Variants in SORL1 observed in about 807,000 individuals in gnomAD.
The protein encoded by SORL1 is sortilin-related receptor.
Under a neutral mutation model 273.7 loss-of-function variants are expected in SORL1, and 127 were observed. The ratio of observed to expected loss-of-function variants is 0.46; its 90% confidence interval spans 0.40 to 0.54. The LOEUF is 0.54. Ranked by LOEUF, SORL1 falls within the 20% of genes least tolerant of loss-of-function variation. SORL1 has a pLI of 0.00. For missense variants in SORL1, 2,494 were observed against 2,846.1 expected (o/e 0.88, Z 2.81); for synonymous variants, 1,031 against 1,067.4 (o/e 0.97, Z 0.66).
chr11:121,553,632 G>C (rs758552127), intron 16 of SORL1, among the ~76,000 whole-genome samples: 2 of 152,214 alleles, frequency 1.3e-5, no homozygotes, highest in Non-Finnish European at 2.9e-5. Context: ...AAGACTGGCA[G>C]GCTTAGCCCA....
chr11:121,547,458 G>T (rs11218328), intron 14 of SORL1, among the ~76,000 whole-genome samples: 34 of 68,846 alleles, frequency 4.9e-4, no homozygotes, highest in Non-Finnish European at 2.9e-4. Flanking sequence ...ACACACACAA[G>T]AAAAGAAATG....
chr11:121,559,182 T>C (rs1043178597), intron 20 of SORL1, among the ~76,000 whole-genome samples: 2 of 152,232 alleles, frequency 1.3e-5, no homozygotes, highest in Admixed American at 6.5e-5. Context: ...CGGTGAGCTC[T>C]GCACCACCTA....
Position 121,559,650 on chromosome 11 carries a change from G to A in SORL1, c.3042G>A (p.Lys1014=), listed in dbSNP as rs1368706152. ...LMDMKIFYKG[K]NTGSNACVPR... ...ACATGAAGATTTTCTACAAGGGGAAGAACACTGGTAAGCCAGAGTCTCTTC... is the reference window on the plus strand; with the variant it reads ...ACATGAAGATTTTCTACAAGGGGAAAAACACTGGTAAGCCAGAGTCTCTTC... Residue 1014 remains lysine, a synonymous_variant, in exon 21 of 48, where the codon AAG becomes AAA. Transcript: ENST00000260197. 6.2e-7 allele frequency: 1 copy of A among 1,614,082 alleles called. No homozygotes were observed. Among genetic ancestry groups the A allele is most frequent in the East Asian group, 2.2e-5 (1 of 44,882 alleles).
chr11:121,517,519 T>C (rs1018739458), intron 8 of SORL1, among the ~76,000 whole-genome samples: 1 of 152,244 alleles, frequency 6.6e-6, no homozygotes, highest in African/African-American at 2.4e-5. Context: ...TTTTTCTTTT[T>C]TCACCATTGA....
chr11:121,625,805 G>T (rs1863787870), intron 46 of SORL1, among the ~76,000 whole-genome samples: 1 of 152,188 alleles, frequency 6.6e-6, no homozygotes, highest in African/African-American at 2.4e-5. Context: ...TGATGGAAGA[G>T]AGGACCCTTC....
chr11:121,613,260 G>A (rs1476055662), intron 40 of SORL1, among the ~76,000 whole-genome samples: 1 of 152,214 alleles, frequency 6.6e-6, no homozygotes, highest in Admixed American at 6.5e-5. Flanking sequence ...GTAAATACAT[G>A]TTGACTGGAG....
chr11:121,576,787 C>A (rs1434342710), intron 24 of SORL1: 22 of 1,496,584 alleles, frequency 1.5e-5, no homozygotes, highest in Non-Finnish European at 1.8e-5. Flanking sequence ...ATGTTTCCTC[C>A]GTTTTGGGAG....
At chr11:121,559,447 A>G (rs905987732) in intron 20 of SORL1, 72 bp from the exon 21 acceptor site, 8 of 1,476,910 alleles carry the variant, frequency 5.4e-6, no homozygotes, top group East Asian at 2.3e-5. Flanking sequence ...GCCTGGGGGA[A>G]CTCTTACCCT....
intron 9 of SORL1, among the ~76,000 whole-genome samples, chr11:121,521,728 G>A (rs1862044414): frequency 1.3e-5 from 2 of 152,128 alleles, no homozygotes; most frequent in South Asian, 4.1e-4. Context: ...AGTTTTCATT[G>A]GTCAAACTGA....
At chr11:121,546,122 G>T (rs1390001481) in intron 14 of SORL1, among the ~76,000 whole-genome samples, 2 of 152,188 alleles carry the variant, frequency 1.3e-5, no homozygotes, top group Non-Finnish European at 2.9e-5. Context: ...GCAACAGTCA[G>T]GTGTAGAGGC....
chr11:121,527,019 C>T (rs1862133106), intron 11 of SORL1, among the ~76,000 whole-genome samples: 2 of 151,646 alleles, frequency 1.3e-5, no homozygotes, highest in Admixed American at 6.6e-5. Context: ...TTTCATTCTT[C>T]TTATCACAAT....
At chr11:121,535,180 C>G (rs1862251019) in intron 12 of SORL1, among the ~76,000 whole-genome samples, 1 of 152,028 alleles carries the variant, frequency 6.6e-6, no homozygotes. Flanking sequence ...CCACTGTGCT[C>G]CATGTCAATG....
chr11:121,556,795 A>T (rs1212646459), intron 18 of SORL1, among the ~76,000 whole-genome samples: 1 of 152,192 alleles, frequency 6.6e-6, no homozygotes, highest in Non-Finnish European at 1.5e-5. Flanking sequence ...GGGATGTGGC[A>T]AGAGCAGACA....
intron 45 of SORL1, among the ~76,000 whole-genome samples, 162 bp from the exon 46 acceptor site, chr11:121,624,923 C>A (rs186134572): frequency 1.3e-5 from 2 of 152,204 alleles, no homozygotes; most frequent in Admixed American, 6.5e-5. Flanking sequence ...TTTTCTGAAT[C>A]CAGTATCTCA....
chr11:121,491,012 G>A (rs1270135858), intron 5 of SORL1, among the ~76,000 whole-genome samples: 1 of 138,154 alleles, frequency 7.2e-6, no homozygotes, highest in African/African-American at 2.7e-5. Context: ...GGTGGCCCTT[G>A]ATCCAGGATG....
At position 121,629,635 on chromosome 11, in the gene SORL1, A is replaced by G; in HGVS notation, c.*72A>G. On this transcript the variant is annotated 3_prime_UTR_variant, in exon 48 of 48. Transcript: ENST00000260197. The stretch of plus-strand genomic sequence containing the variant: ...ATAAAGATAGTTGATGGTTTATTTT[A>G]AAAGATGCACTTTGAGTTGCAATAT... 2.5e-6 allele frequency: 2 copies of G among 793,604 alleles called. No homozygotes were observed. Among genetic ancestry groups the G allele is most frequent in the Non-Finnish European group, 4.4e-6 (2 of 449,616 alleles). The allele number at this position is 793,604 out of a possible 1,614,324, so 49.2% of individuals were successfully genotyped here.
At position 121,570,306 on chromosome 11, in the gene SORL1, T is replaced by A. The variant is rs181731581; in HGVS notation, c.3337+36T>A. ...TGGATTGGACGTTAAGCACTTACCA[T>A]TACTCAGAAGCCTGGTTGGCTCTTC... is the stretch of plus-strand genomic sequence containing the variant. On this transcript the variant is annotated intron_variant, in intron 23 of 47. Coordinates refer to ENST00000260197, the MANE Select transcript of SORL1 (RefSeq NM_003105.6). The A allele has an allele frequency of 2.3e-4, 342 of 1,516,384 alleles. 2 individuals are homozygous for A. The East Asian group carries it at 6.8e-3, about 30-fold the overall frequency. 93.9% of individuals were successfully genotyped at this position (1,516,384 alleles called of 1,614,324 possible). A position where few individuals can be genotyped will look rare whatever the true frequency, so the allele number is the denominator to read the frequency against.
chr11:121,515,216 G>A (rs1861933828), intron 8 of SORL1, among the ~76,000 whole-genome samples: 2 of 152,232 alleles, frequency 1.3e-5, no homozygotes, highest in South Asian at 4.1e-4. Context: ...TAAAATATCA[G>A]AACAAAGTCC....
intron 1 of SORL1, among the ~76,000 whole-genome samples, chr11:121,463,398 GGACA>G (rs1216945731): frequency 2.2e-4 from 34 of 152,278 alleles, no homozygotes; most frequent in African/African-American, 7.7e-4. Flanking sequence ...GGGTTCACCA[GGACA>G]GAGTGGCACA....
Sources: allele counts gnomAD v4.1 joint callset (sites outside exome capture counted in the v4.1 genomes callset), GRCh38; gene constraint gnomAD v4.1.1; transcripts MANE v1.5; gene names NCBI Gene and HGNC (gene_info 2026-07-23, HGNC 2026-07-21).